Variants in CSDE1 observed in about 807,000 individuals in gnomAD.
CSDE1 encodes the protein cold shock domain containing E1.
Under a neutral mutation model 89.3 loss-of-function variants are expected in CSDE1, and 17 were observed. That is an observed-to-expected ratio of 0.19 (90% CI 0.13 to 0.29). CSDE1 has a LOEUF of 0.29. Ranked by LOEUF, CSDE1 falls within the 10% of genes least tolerant of loss-of-function variation. The pLI, the probability that CSDE1 is intolerant of heterozygous loss-of-function variation, is 1.00. For missense variants in CSDE1, 672 were observed against 984.2 expected, an observed-to-expected ratio of 0.68 and a Z score of 4.24; for synonymous variants, 322 against 332.8, an observed-to-expected ratio of 0.97 and a Z score of 0.35.
intron 5 of CSDE1, among the ~76,000 whole-genome samples, chr1:114,737,195 A>C (rs1204610319): frequency 6.6e-6 from 1 of 152,144 alleles, no homozygotes; most frequent in African/African-American, 2.4e-5. Flanking sequence ...AACCAGAAAA[A>C]GATCCCCCCC....
chr1:114,734,290 C>T, intron 7 of CSDE1, 152 bp downstream of exon 7: 1 of 1,047,064 alleles, frequency 9.6e-7, no homozygotes, highest in Non-Finnish European at 1.4e-6. Flanking sequence ...GTATTAGCAA[C>T]CAAGGAATTT....
intron 18 of CSDE1, 112 bp downstream of exon 18, chr1:114,719,467 A>C: frequency 9.0e-7 from 1 of 1,110,672 alleles, no homozygotes. Flanking sequence ...AAGTATCAAG[A>C]AATAATAAGT....
intron 17 of CSDE1, 90 bp downstream of exon 17, chr1:114,720,449 G>A: frequency 8.1e-7 from 1 of 1,229,818 alleles, no homozygotes; most frequent in Non-Finnish European, 1.1e-6. Flanking sequence ...AATGAATGTT[G>A]ATGATTTCCC....
intron 6 of CSDE1, among the ~76,000 whole-genome samples, chr1:114,736,197 A>G (rs895603740): frequency 6.6e-6 from 1 of 152,198 alleles, no homozygotes; most frequent in Admixed American, 6.5e-5. Flanking sequence ...CTCTTAGTCT[A>G]TCCATATCAG....
rs9724615 is a variant in CSDE1 at position 114,716,929 on chromosome 1, A to G, written c.*1240T>C. The G allele has an allele frequency of 8.5e-3, 1,297 of 152,834 alleles. 34 individuals carry two copies. The highest frequency in any genetic ancestry group is 0.033 in the Admixed American group (500 of 15,316). 9.5% of individuals were successfully genotyped at this position (152,834 alleles called of 1,614,324 possible). A position where few individuals can be genotyped will look rare whatever the true frequency, so the allele number is the denominator to read the frequency against. On this transcript the variant is annotated 3_prime_UTR_variant, in exon 20 of 20. Transcript: ENST00000358528. Reference sequence around the variant, plus strand: ...AGCGCTAGGTGCTAGTGTCTCAAAAATCAGTAAAACTTTATTCGCTTCCAT... The same window carrying G: ...AGCGCTAGGTGCTAGTGTCTCAAAAGTCAGTAAAACTTTATTCGCTTCCAT...
chr1:114,734,546 G>GAGGAGGAATGAAACAGGGATTA, intron 6 of CSDE1, 23 bp from the exon 7 acceptor site: 3 of 1,585,624 alleles, frequency 1.9e-6, no homozygotes, highest in Non-Finnish European at 2.6e-6. Context: ...TAATTGCAGG[G>GAGGAGGAATGAAACAGGGATTA]AGGAGGAATG....
At chr1:114,737,720 G>C (rs1166964558) in intron 4 of CSDE1, among the ~76,000 whole-genome samples, 157 bp from the exon 5 acceptor site, 1 of 152,170 alleles carries the variant, frequency 6.6e-6, no homozygotes, top group African/African-American at 2.4e-5. Flanking sequence ...CAAACTTACA[G>C]TATGTAAATT....
chr1:114,755,857 A>G (rs1434438422), intron 1 of CSDE1, among the ~76,000 whole-genome samples: 1 of 152,216 alleles, frequency 6.6e-6, no homozygotes, highest in African/African-American at 2.4e-5. Flanking sequence ...CAAAATTTCC[A>G]TGTTTTAACT....
At chr1:114,724,176 T>A in intron 15 of CSDE1, 174 bp from the exon 16 acceptor site, 1 of 498,486 alleles carries the variant, frequency 2.0e-6, no homozygotes, top group Non-Finnish European at 3.5e-6. Context: ...TGCTGGACTT[T>A]AAATACTTCT....
chr1:114,745,901 C>T (rs1376989128), intron 2 of CSDE1, among the ~76,000 whole-genome samples: 5 of 152,174 alleles, frequency 3.3e-5, no homozygotes, highest in Admixed American at 3.3e-4. Flanking sequence ...CTTTTAACAT[C>T]TCTGGGATTT....
chr1:114,720,809 TTA>T lies in CSDE1; in HGVS notation c.1874-94_1874-93del, dbSNP rs562989341. On this transcript the variant is annotated intron_variant, in intron 16 of 19. Transcript: ENST00000358528. ...AGTTTATATAACTGCTAAAAATGTG[TTA>T]TGTTACTTAAAATATATTTACATTT... is the stretch of plus-strand genomic sequence containing the variant. The T allele has an allele frequency of 4.6e-4, 491 of 1,071,626 alleles. 2 individuals carry two copies. In the African/African-American group the frequency reaches 7.2e-3, roughly 16 times the overall value. The allele number at this position is 1,071,626 out of a possible 1,614,324, so 66.4% of individuals were successfully genotyped here. A position where few individuals can be genotyped will look rare whatever the true frequency, so the allele number is the denominator to read the frequency against.
intron 1 of CSDE1, among the ~76,000 whole-genome samples, chr1:114,751,910 C>T (rs777781319): frequency 1.3e-5 from 2 of 152,120 alleles, no homozygotes; most frequent in Non-Finnish European, 2.9e-5. Context: ...CTAATATATC[C>T]GCCAACTTCC....
At chr1:114,741,594 G>GT in intron 2 of CSDE1, 1 of 1,549,720 alleles carries the variant, frequency 6.5e-7, no homozygotes, top group Non-Finnish European at 8.7e-7. Flanking sequence ...TGAAGATAAG[G>GT]GTAAAGAAAG....
At chr1:114,741,947 G>T (rs757884862) in intron 2 of CSDE1, among the ~76,000 whole-genome samples, 3 of 152,062 alleles carry the variant, frequency 2.0e-5, no homozygotes, top group African/African-American at 7.2e-5. Context: ...TTTCAATGCC[G>T]ATCAACTTTA....
At chr1:114,725,739 G>A (rs1201070924) in intron 14 of CSDE1, among the ~76,000 whole-genome samples, 3 of 152,074 alleles carry the variant, frequency 2.0e-5, no homozygotes, top group Non-Finnish European at 4.4e-5. Flanking sequence ...AGGATCAAGT[G>A]GTCCTCCCAC....
intron 1 of CSDE1, among the ~76,000 whole-genome samples, chr1:114,757,606 T>A (rs568055476): frequency 6.6e-6 from 1 of 152,028 alleles, no homozygotes; most frequent in East Asian, 1.9e-4. Context: ...CCCCGCACCC[T>A]CTGCCTCCAT....
chr1:114,727,488 T>A (rs1431495823), intron 12 of CSDE1, among the ~76,000 whole-genome samples: 1 of 152,212 alleles, frequency 6.6e-6, no homozygotes, highest in Non-Finnish European at 1.5e-5. Flanking sequence ...CCTCTTTTAG[T>A]AGCACACAGC....
chr1:114,731,130 T>C (rs1357176077), intron 10 of CSDE1, among the ~76,000 whole-genome samples: 3 of 151,576 alleles, frequency 2.0e-5, no homozygotes, highest in Non-Finnish European at 2.9e-5. Context: ...TCCTTCTTAC[T>C]AAATTATCAG....
At position 114,739,036 on chromosome 1, in the gene CSDE1, C is replaced by CT. The variant is rs946443475; in HGVS notation, c.199+655dup. 3.9e-3 allele frequency among the ~76,000 whole-genome samples: 556 copies of CT among 141,804 alleles called. 1 individual carries two copies. Among genetic ancestry groups the CT allele is most frequent in the African/African-American group, 0.01 (389 of 38,874 alleles). 93.0% of individuals were successfully genotyped at this position (141,804 alleles called of 152,430 possible). On this transcript the variant is annotated intron_variant, in intron 3 of 19. Coordinates refer to ENST00000358528, the MANE Select transcript of CSDE1 (RefSeq NM_001007553.3). Reference sequence around the variant, plus strand: ...AATTTCCATATAATCTAAGAGGTGACTTTTTTTTTTTTTGAGACGGGGTCT... The same window carrying CT: ...AATTTCCATATAATCTAAGAGGTGACTTTTTTTTTTTTTTGAGACGGGGTCT...
Sources: gnomAD v4.1 joint callset for allele counts (sites outside exome capture counted in the v4.1 genomes callset) on GRCh38, gnomAD v4.1.1 for gene constraint, MANE v1.5 for transcripts, NCBI Gene and HGNC (gene_info 2026-07-23, HGNC 2026-07-21) for gene names.